ST6GALNAC5: variants seen among roughly 807,000 people sequenced by gnomAD.
ST6GALNAC5 encodes alpha-N-acetylgalactosaminide alpha-2,6-sialyltransferase 5.
In ST6GALNAC5, 27 loss-of-function variants were observed where a neutral mutation model predicts 33.6. The ratio of observed to expected loss-of-function variants is 0.80; its 90% confidence interval spans 0.59 to 1.11. ST6GALNAC5 has a LOEUF of 1.11. Ranked by LOEUF, ST6GALNAC5 falls within the 50% of genes least tolerant of loss-of-function variation. The pLI is 0.00. For missense variants in ST6GALNAC5, 428 were observed against 454.0 expected (o/e 0.94, Z 0.52); for synonymous variants, 194 against 171.2 (o/e 1.13, Z -1.04).
intron 2 of ST6GALNAC5, among the ~76,000 whole-genome samples, chr1:76,911,744 G>C (rs1646915089): frequency 6.6e-6 from 1 of 152,148 alleles, no homozygotes; most frequent in Non-Finnish European, 1.5e-5. Flanking sequence ...GGTGTTTGTA[G>C]TATTCTCTGA....
At chr1:76,938,931 C>T (rs1647260657) in intron 2 of ST6GALNAC5, among the ~76,000 whole-genome samples, 1 of 152,096 alleles carries the variant, frequency 6.6e-6, no homozygotes, top group East Asian at 1.9e-4. Context: ...CTTAAGCATT[C>T]GAATTCCACA....
chr1:76,968,454 T>C (rs984066151), intron 2 of ST6GALNAC5, among the ~76,000 whole-genome samples: 17 of 152,194 alleles, frequency 1.1e-4, no homozygotes, highest in African/African-American at 4.1e-4. Flanking sequence ...TCCATCCCTT[T>C]ATTTTGAGCC....
At chr1:76,915,601 C>A (rs943785958) in intron 2 of ST6GALNAC5, among the ~76,000 whole-genome samples, 2 of 151,562 alleles carry the variant, frequency 1.3e-5, no homozygotes, top group East Asian at 1.9e-4. Context: ...GGACAAAAAA[C>A]CAAACACCGC....
At chr1:76,883,311 T>C (rs573156653) in intron 2 of ST6GALNAC5, among the ~76,000 whole-genome samples, 1 of 152,366 alleles carries the variant, frequency 6.6e-6, no homozygotes, top group East Asian at 1.9e-4. Flanking sequence ...GTTTTACCTT[T>C]TTGAGGCTAA....
chr1:77,002,015 A>T (rs897796240), intron 2 of ST6GALNAC5, among the ~76,000 whole-genome samples: 1 of 152,190 alleles, frequency 6.6e-6, no homozygotes, highest in Non-Finnish European at 1.5e-5. Context: ...AAAATGAGTT[A>T]GGAAGGATTC....
Position 77,020,935 on chromosome 1 carries a change from C to T in ST6GALNAC5, c.262-23269C>T, listed in dbSNP as rs187571275. On this transcript the variant is annotated intron_variant, in intron 2 of 4. Coordinates refer to ENST00000477717, the MANE Select transcript of ST6GALNAC5 (RefSeq NM_030965.3). The stretch of plus-strand genomic sequence containing the variant: ...GTCCTCTTGTTGTTACCCGGGGTTC[C>T]GCACAGCATGGCTGCTGGTTTGCAG... 3.9e-5 allele frequency among the ~76,000 whole-genome samples: 6 copies of T among 152,248 alleles called. No individual in the cohort carries two copies. The East Asian group carries it at 5.8e-4, about 15-fold the overall frequency.
intron 2 of ST6GALNAC5, among the ~76,000 whole-genome samples, chr1:76,980,670 T>A (rs1197425568): frequency 6.6e-6 from 1 of 152,194 alleles, no homozygotes; most frequent in South Asian, 2.1e-4. Flanking sequence ...CATATCCATA[T>A]GAAAAGAAGG....
At chr1:77,023,589 G>A (rs990797799) in intron 2 of ST6GALNAC5, among the ~76,000 whole-genome samples, 5 of 152,200 alleles carry the variant, frequency 3.3e-5, no homozygotes, top group African/African-American at 1.2e-4. Flanking sequence ...AGAAGGAACT[G>A]TGTCAGAGCA....
chr1:76,879,794 G>A (rs1408135026), intron 2 of ST6GALNAC5, among the ~76,000 whole-genome samples: 3 of 152,128 alleles, frequency 2.0e-5, no homozygotes, highest in African/African-American at 7.2e-5. Context: ...GTCCATCAGA[G>A]TTTACAAACT....
intron 2 of ST6GALNAC5, among the ~76,000 whole-genome samples, chr1:77,010,556 A>G (rs1650594040): frequency 6.6e-6 from 1 of 152,150 alleles, no homozygotes; most frequent in African/African-American, 2.4e-5. Flanking sequence ...CACACTTCCA[A>G]GCAGTGACCC....
chr1:77,007,672 T>C (rs1650475611), intron 2 of ST6GALNAC5, among the ~76,000 whole-genome samples: 1 of 152,240 alleles, frequency 6.6e-6, no homozygotes, highest in South Asian at 2.1e-4. Context: ...AATTTCCAGG[T>C]ATTTAAATGC....
intron 1 of ST6GALNAC5, 116 bp downstream of exon 1, chr1:76,867,806 T>C (rs910332243): frequency 8.9e-6 from 13 of 1,461,852 alleles, no homozygotes; most frequent in Non-Finnish European, 1.1e-5. Flanking sequence ...GGTCGCCTGT[T>C]ACAAAGGGAC....
chr1:76,874,488 A>T (rs1653581814), intron 2 of ST6GALNAC5, among the ~76,000 whole-genome samples: 1 of 152,204 alleles, frequency 6.6e-6, no homozygotes, highest in Non-Finnish European at 1.5e-5. Flanking sequence ...AGCTTCCCAC[A>T]ATAGGCTGTC....
chr1:77,027,324 A>G (rs1651283098), intron 2 of ST6GALNAC5, among the ~76,000 whole-genome samples: 1 of 152,208 alleles, frequency 6.6e-6, no homozygotes, highest in South Asian at 2.1e-4. Flanking sequence ...GGGGTGAAGT[A>G]TACTTTCCCA....
intron 2 of ST6GALNAC5, among the ~76,000 whole-genome samples, chr1:76,872,153 GC>G (rs1459841491): frequency 6.7e-6 from 1 of 149,912 alleles, no homozygotes; most frequent in Admixed American, 6.6e-5. Context: ...TCAGAGGAAA[GC>G]TCCAAGTCTT....
chr1:77,063,093 G>A lies in ST6GALNAC5; in HGVS notation c.898G>A (p.Glu300Lys). 1 of 1,613,900 alleles carries A rather than the reference G, an allele frequency of 6.2e-7. No homozygotes were observed. Among genetic ancestry groups the A allele is most frequent in the Non-Finnish European group, 8.5e-7 (1 of 1,179,896 alleles). ...RKGSHHRFIT[E>K]KRVFKNWART... ...GGGCAGTCATCACCGCTTTATCACAGAGAAACGAGTCTTTAAGAACTGGGC... is the reference window on the plus strand; with the variant it reads ...GGGCAGTCATCACCGCTTTATCACAAAGAAACGAGTCTTTAAGAACTGGGC... The change falls in exon 5 of 5, where the codon GAG (glutamate) becomes AAG (lysine). Residue 300 changes from glutamate to lysine, a missense_variant. Transcript: ENST00000477717.
chr1:76,944,676 G>A (rs1351099068), intron 2 of ST6GALNAC5, among the ~76,000 whole-genome samples: 2 of 152,106 alleles, frequency 1.3e-5, no homozygotes, highest in Admixed American at 1.3e-4. Flanking sequence ...AAATAAGCCA[G>A]CACATTGTCT....
chr1:76,912,262 T>C (rs1247415369), intron 2 of ST6GALNAC5, among the ~76,000 whole-genome samples: 1 of 152,236 alleles, frequency 6.6e-6, no homozygotes, highest in Admixed American at 6.5e-5. Flanking sequence ...TCCTGAGTTC[T>C]AGTTTGATTG....
chr1:76,982,913 G>T (rs1352740463), intron 2 of ST6GALNAC5, among the ~76,000 whole-genome samples: 2 of 151,904 alleles, frequency 1.3e-5, no homozygotes, highest in Non-Finnish European at 2.9e-5. Context: ...GCCAAACAAA[G>T]CTTCATACGT....
Sources: allele counts gnomAD v4.1 joint callset (sites outside exome capture counted in the v4.1 genomes callset), GRCh38; gene constraint gnomAD v4.1.1; transcripts MANE v1.5; gene names NCBI Gene and HGNC (gene_info 2026-07-23, HGNC 2026-07-21).